BRAF: variants seen among roughly 807,000 people sequenced by gnomAD.
BRAF encodes the protein B-Raf proto-oncogene, serine/threonine kinase.
BRAF carries 16 observed loss-of-function variants against 104.6 expected under a neutral mutation model. The ratio of observed to expected loss-of-function variants is 0.15; its 90% confidence interval spans 0.10 to 0.23. The LOEUF (loss-of-function observed/expected upper bound fraction) is 0.23. Ranked by LOEUF, BRAF falls within the 10% of genes least tolerant of loss-of-function variation. The probability of loss-of-function intolerance (pLI) is 1.00; values close to 1 mark genes in which losing one functional copy is unlikely to be tolerated. For missense variants in BRAF, 541 were observed against 937.3 expected (o/e 0.58, Z 5.52); for synonymous variants, 310 against 341.6 (o/e 0.91, Z 1.02).
intron 1 of BRAF, among the ~76,000 whole-genome samples, chr7:140,854,645 TA>T (rs1222009010): frequency 1.4e-4 from 22 of 152,026 alleles, no homozygotes; most frequent in African/African-American, 5.3e-4. Flanking sequence ...TGCTGGGGTA[TA>T]AAAAACGGTT....
chr7:140,921,077 A>G (rs1818173526), intron 1 of BRAF, among the ~76,000 whole-genome samples: 1 of 152,244 alleles, frequency 6.6e-6, no homozygotes, highest in African/African-American at 2.4e-5. Context: ...ACTGACGATC[A>G]GAGATCTTGA....
intron 1 of BRAF, among the ~76,000 whole-genome samples, chr7:140,877,924 G>C (rs955217389): frequency 2.0e-5 from 3 of 152,016 alleles, no homozygotes; most frequent in African/African-American, 4.8e-5. Context: ...ATCTCTAGTA[G>C]CAAATTCTAT....
chr7:140,883,467 A>C (rs1156905306), intron 1 of BRAF, among the ~76,000 whole-genome samples: 2 of 152,238 alleles, frequency 1.3e-5, no homozygotes, highest in African/African-American at 4.8e-5. Flanking sequence ...ATATTATTCA[A>C]ACATTTAGTA....
intron 14 of BRAF, among the ~76,000 whole-genome samples, chr7:140,761,666 T>C (rs1053019789): frequency 6.6e-6 from 1 of 152,086 alleles, no homozygotes; most frequent in South Asian, 2.1e-4. Flanking sequence ...GAGACACACA[T>C]AGGCTCAAAA....
chr7:140,916,727 C>CA (rs1264010633), intron 1 of BRAF, among the ~76,000 whole-genome samples: 1 of 152,176 alleles, frequency 6.6e-6, no homozygotes, highest in Non-Finnish European at 1.5e-5. Flanking sequence ...TAATTCAAGA[C>CA]AGAGATATAT....
intron 2 of BRAF, among the ~76,000 whole-genome samples, chr7:140,847,956 C>T (rs900415153): frequency 6.6e-6 from 1 of 152,128 alleles, no homozygotes; most frequent in Non-Finnish European, 1.5e-5. Context: ...TTGTATACCA[C>T]AAGTCCCCAA....
At chr7:140,776,848 C>G (rs2129018005) in intron 14 of BRAF, 64 bp downstream of exon 13, 1 of 1,516,422 alleles carries the variant, frequency 6.6e-7, no homozygotes, top group African/African-American at 1.4e-5. Context: ...GCAGCCAAAA[C>G]CTTTAAAACA....
At chr7:140,916,013 AT>A (rs1232658801) in intron 1 of BRAF, among the ~76,000 whole-genome samples, 27 of 151,942 alleles carry the variant, frequency 1.8e-4, no homozygotes, top group African/African-American at 6.5e-4. Flanking sequence ...AAACCCAAGG[AT>A]TTTTTTTAAA....
At chr7:140,869,860 T>C (rs1013844040) in intron 1 of BRAF, among the ~76,000 whole-genome samples, 1 of 152,174 alleles carries the variant, frequency 6.6e-6, no homozygotes, top group Non-Finnish European at 1.5e-5. Flanking sequence ...TTCAAGTATA[T>C]ATAATCAAGT....
intron 3 of BRAF, among the ~76,000 whole-genome samples, chr7:140,822,847 C>T (rs1038273913): frequency 6.6e-6 from 1 of 152,130 alleles, no homozygotes. Flanking sequence ...TGGGGGTGGA[C>T]AGGGTCTTGC....
chr7:140,795,109 A>G (rs548893274), intron 7 of BRAF, among the ~76,000 whole-genome samples: 1 of 152,330 alleles, frequency 6.6e-6, no homozygotes, highest in East Asian at 1.9e-4. Flanking sequence ...TAAAGCAAAT[A>G]TTTTTGAAAA....
At chr7:140,844,919 CAA>C (rs527468584) in intron 2 of BRAF, among the ~76,000 whole-genome samples, 4 of 130,096 alleles carry the variant, frequency 3.1e-5, no homozygotes, top group East Asian at 4.4e-4. Context: ...GACTCCATCT[CAA>C]AAAAAAAAAA....
rs78539051 is a variant in BRAF, at chr7:140,752,576, C to T, written c.1980+699G>A. 1.5e-4 allele frequency among the ~76,000 whole-genome samples: 23 copies of T among 152,240 alleles called. No homozygotes were observed. The East Asian group carries it at 4.2e-3, about 28-fold the overall frequency. Reference sequence around the variant, plus strand: ...CTGCAATGCACACAAGTTTTTGTTCCCTTCTTTTAGAACTTCTCTTTCTTC... The same window carrying T: ...CTGCAATGCACACAAGTTTTTGTTCTCTTCTTTTAGAACTTCTCTTTCTTC... On this transcript the variant is annotated intron_variant, in intron 16 of 19. Coordinates refer to ENST00000644969, the MANE Select transcript of BRAF (RefSeq NM_001374258.1).
intron 19 of BRAF, among the ~76,000 whole-genome samples, chr7:140,730,385 T>C (rs1251610088): frequency 1.3e-5 from 2 of 152,138 alleles, no homozygotes; most frequent in Non-Finnish European, 2.9e-5. Context: ...TGTTTCTTTT[T>C]TTGAAAGAGT....
At chr7:140,902,890 T>C (rs1022353395) in intron 1 of BRAF, among the ~76,000 whole-genome samples, 5 of 152,040 alleles carry the variant, frequency 3.3e-5, no homozygotes, top group African/African-American at 4.8e-5. Context: ...AAGTCAATGG[T>C]TGGCTTCAAA....
At chr7:140,800,592 CTG>C in intron 6 of BRAF, 111 bp from the exon 7 acceptor site, 3 of 1,537,530 alleles carry the variant, frequency 2.0e-6, no homozygotes, top group Non-Finnish European at 2.7e-6. Flanking sequence ...TCAGAAACAA[CTG>C]TTAAAATTCA....
At chr7:140,717,817 T>G (rs550617932), downstream of BRAF, among the ~76,000 whole-genome samples, 2 of 152,238 alleles carry the variant, frequency 1.3e-5, no homozygotes, top group Admixed American at 6.5e-5. Context: ...TGAATTTCTA[T>G]GATGTTTATA....
At chr7:140,726,572 A>T in intron 19 of BRAF, 1 of 1,402,588 alleles carries the variant, frequency 7.1e-7, no homozygotes, top group South Asian at 1.2e-5. Context: ...TAACCTAGAG[A>T]CACAGAAAAG....
At chr7:140,726,606 G>A in intron 19 of BRAF, 1 of 1,130,564 alleles carries the variant, frequency 8.8e-7, no homozygotes, top group Non-Finnish European at 1.3e-6. Context: ...TCACTGAAAA[G>A]TAACTAGTTA....
Sources: allele counts gnomAD v4.1 joint callset (sites outside exome capture counted in the v4.1 genomes callset), GRCh38; gene constraint gnomAD v4.1.1; transcripts MANE v1.5; gene names NCBI Gene and HGNC (gene_info 2026-07-23, HGNC 2026-07-21).